TRAPPC11: variants seen among roughly 807,000 people sequenced by gnomAD.
TRAPPC11 encodes the protein foie gras homolog.
TRAPPC11 carries 104 observed loss-of-function variants against 151.2 expected under a neutral mutation model. The ratio of observed to expected loss-of-function variants is 0.69; its 90% CI spans 0.59 to 0.81. The LOEUF (loss-of-function observed/expected upper bound fraction) is 0.81. TRAPPC11 is among the 30% of genes least tolerant of loss of function. The pLI, the probability that TRAPPC11 is intolerant of heterozygous loss-of-function variation, is 0.00. For missense variants in TRAPPC11, 1,230 were observed against 1,349.6 expected, an observed-to-expected ratio of 0.91 and a Z score of 1.39; for synonymous variants, 456 against 472.3, an observed-to-expected ratio of 0.97 and a Z score of 0.45.
intron 23 of TRAPPC11, 139 bp downstream of exon 23, chr4:183,694,862 T>TA: frequency 1.2e-6 from 1 of 861,932 alleles, no homozygotes; most frequent in Non-Finnish European, 1.7e-6. Context: ...TTAAACTTTT[T>TA]AAAAAATCAC....
chr4:183,695,610 T>C (rs551749037), intron 23 of TRAPPC11, among the ~76,000 whole-genome samples: 1 of 152,330 alleles, frequency 6.6e-6, no homozygotes, highest in South Asian at 2.1e-4. Context: ...AACATTATGA[T>C]ATTTGGTATC....
At position 183,684,848 on chromosome 4, in the gene TRAPPC11, T is replaced by C; in HGVS notation, c.1567+7T>C. 6.2e-7 allele frequency: 1 copy of C among 1,603,954 alleles called. No homozygotes were observed. Among genetic ancestry groups the C allele is most frequent in the Non-Finnish European group, 8.5e-7 (1 of 1,176,384 alleles). ...CTAGAACTCCTTGGTAGAGGTAACCTGATGTTTTTTGAGTAAAATTCTTGA... is the reference window on the plus strand; with the variant it reads ...CTAGAACTCCTTGGTAGAGGTAACCCGATGTTTTTTGAGTAAAATTCTTGA... On this transcript the variant is annotated splice_region_variant and intron_variant, in intron 15 of 29. Transcript: ENST00000334690.
intron 2 of TRAPPC11, among the ~76,000 whole-genome samples, chr4:183,665,747 G>GT (rs1224481775): frequency 6.6e-6 from 1 of 152,222 alleles, no homozygotes; most frequent in African/African-American, 2.4e-5. Context: ...TGAAGCTTCT[G>GT]TTTAAGAATT....
chr4:183,706,676 C>A (rs1579228263), intron 27 of TRAPPC11, 131 bp from the exon 28 acceptor site: 3 of 955,430 alleles, frequency 3.1e-6, no homozygotes, highest in Non-Finnish European at 4.5e-6. Flanking sequence ...ATTTTCTTAT[C>A]CGGCAAGAGT....
intron 15 of TRAPPC11, 24 bp from the exon 16 acceptor site, chr4:183,685,060 T>A: frequency 6.2e-7 from 1 of 1,606,728 alleles, no homozygotes; most frequent in Non-Finnish European, 8.5e-7. Context: ...ACTTAAAATG[T>A]TTTTCCTTCT....
At chr4:183,665,134 C>G (rs113864343) in intron 2 of TRAPPC11, among the ~76,000 whole-genome samples, 239 of 141,214 alleles carry the variant, frequency 1.7e-3, no homozygotes, top group Admixed American at 4.1e-3. Flanking sequence ...TCGCTCTGTC[C>G]CCGAGGCTGG....
chr4:183,686,118 A>G (rs1458322971), intron 17 of TRAPPC11, among the ~76,000 whole-genome samples: 1 of 151,424 alleles, frequency 6.6e-6, no homozygotes, highest in African/African-American at 2.4e-5. Context: ...GATTACAGGC[A>G]CGAGCTACCA....
chr4:183,697,512 G>T lies in TRAPPC11; in HGVS notation c.2638G>T (p.Val880Leu), dbSNP rs1370193464. Residue 880 changes from valine (V) to leucine (L), a missense_variant, in exon 24 of 30, where the codon GTA (valine) becomes TTA (leucine). Transcript: ENST00000334690. ...TTACATTTTCTTGCAGGATGAAACT[G>T]TAACAATTGAAACAGTCTTTCCATT... ...IVCKCHKDETVTIETVFPFDV... is the reference protein window; with the variant it reads ...IVCKCHKDETLTIETVFPFDV... The T allele has an allele frequency of 1.1e-5, 17 of 1,598,496 alleles. No individual in the cohort carries two copies. The highest frequency in any genetic ancestry group is 1.4e-5 in the Non-Finnish European group (17 of 1,176,698).
In TRAPPC11 at chr4:183,666,280, T is replaced by G; in HGVS notation, c.228T>G (p.Ile76Met). 6.2e-7 allele frequency: 1 copy of G among 1,614,100 alleles called. No homozygotes were observed. The change falls in exon 3 of 30, where the codon ATT becomes ATG. Residue 76 changes from isoleucine (I) to methionine (M), a missense_variant. Ile to Met is a conservative substitution (Grantham distance 10). Transcript: ENST00000334690. ...AGAGAACTTCATATGAGTGGTACAT[T>G]CCTAAAGGGATCTTAAAGACTGGCT... is the stretch of plus-strand genomic sequence containing the variant. ...RPKRTSYEWYIPKGILKTGWM... is the reference protein window; with the variant it reads ...RPKRTSYEWYMPKGILKTGWM...
intron 22 of TRAPPC11, among the ~76,000 whole-genome samples, chr4:183,694,401 T>G (rs1193530834): frequency 6.6e-6 from 1 of 152,202 alleles, no homozygotes; most frequent in Admixed American, 6.5e-5. Flanking sequence ...GATCCCACCC[T>G]TATACTGTGG....
chr4:183,682,706 A>G (rs1735758566), intron 10 of TRAPPC11, 26 bp from the exon 11 acceptor site: 1 of 1,537,478 alleles, frequency 6.5e-7, no homozygotes. Context: ...ATAAACTATT[A>G]TTTAGGTTTG....
At chr4:183,695,250 T>G (rs1279030209) in intron 23 of TRAPPC11, among the ~76,000 whole-genome samples, 1 of 152,142 alleles carries the variant, frequency 6.6e-6, no homozygotes, top group African/African-American at 2.4e-5. Context: ...GGACCCGGCC[T>G]ATATGGCTTT....
intron 18 of TRAPPC11, among the ~76,000 whole-genome samples, chr4:183,687,287 CTG>C (rs36115412): frequency 2.8e-3 from 36 of 12,834 alleles, no homozygotes; most frequent in Admixed American, 8.0e-3. Flanking sequence ...TAAGAATTCT[CTG>C]TGTGTGTGTG....
chr4:183,660,340 G>C (rs1023972493), intron 1 of TRAPPC11, among the ~76,000 whole-genome samples: 93 of 152,316 alleles, frequency 6.1e-4, no homozygotes, highest in African/African-American at 2.2e-3. Flanking sequence ...TCTGAATTGA[G>C]ATGTGCTGTG....
At chr4:183,711,859 T>A (rs990744829) in intron 29 of TRAPPC11, among the ~76,000 whole-genome samples, 1 of 152,210 alleles carries the variant, frequency 6.6e-6, no homozygotes, top group African/African-American at 2.4e-5. Flanking sequence ...AAAATAAAAT[T>A]ATTTGTAAGA....
intron 26 of TRAPPC11, among the ~76,000 whole-genome samples, chr4:183,702,151 C>T (rs1283546331): frequency 6.6e-6 from 1 of 152,058 alleles, no homozygotes; most frequent in East Asian, 1.9e-4. Flanking sequence ...TGAGACCAGC[C>T]TGGGCAACAT....
chr4:183,706,278 C>T (rs11939427), intron 27 of TRAPPC11, among the ~76,000 whole-genome samples: 42,166 of 152,104 alleles, frequency 0.28, 6,501 homozygotes, highest in African/African-American at 0.42. Flanking sequence ...AATCCCAGCA[C>T]TTTGGGAGGC....
Position 183,704,973 on chromosome 4 carries a change from C to T in TRAPPC11, c.2964-6C>T. 6.4e-7 allele frequency: 1 copy of T among 1,566,788 alleles called. No homozygotes were observed. Among genetic ancestry groups the T allele is most frequent in the Non-Finnish European group, 8.7e-7 (1 of 1,146,940 alleles). The stretch of plus-strand genomic sequence containing the variant: ...GAGTTTAAAAAGATGACCTCTTCTG[C>T]CACAGGACCTCAGCAATGGAGAATA... On this transcript the variant is annotated splice_region_variant and splice_polypyrimidine_tract_variant and intron_variant, in intron 26 of 29. Coordinates refer to ENST00000334690, the MANE Select transcript of TRAPPC11 (RefSeq NM_021942.6).
rs184908687 is a variant in TRAPPC11 at position 183,698,798 on chromosome 4, G to A, written c.2851+963G>A. On this transcript the variant is annotated intron_variant, in intron 25 of 29. Transcript: ENST00000334690. ...GACCTTAGGCTGCCTGCATTCCCTC[G>A]TCCAGTTGGAGGGGTTGTCTGGTTG... Among the ~76,000 whole-genome samples the A allele has an allele frequency of 6.1e-4, 93 of 152,166 alleles. 1 individual carries two copies. The East Asian group carries it at 0.016, about 26-fold the overall frequency.
Sources: gnomAD v4.1 joint callset for allele counts (sites outside exome capture counted in the v4.1 genomes callset) on GRCh38, gnomAD v4.1.1 for gene constraint, MANE v1.5 for transcripts, NCBI Gene and HGNC (gene_info 2026-07-23, HGNC 2026-07-21) for gene names.